Variants in GNB4 observed in about 807,000 individuals in gnomAD.
The protein encoded by GNB4 is G protein subunit beta 4.
A neutral mutation model predicts 45.2 loss-of-function variants in GNB4; 28 were observed. That is an observed-to-expected ratio of 0.62 (90% CI 0.46 to 0.85). The LOEUF (loss-of-function observed/expected upper bound fraction) is 0.85, where lower values mean the gene tolerates loss of function less well. Ranked by LOEUF, GNB4 falls within the 40% of genes least tolerant of loss-of-function variation. GNB4 has a pLI of 0.00. For synonymous variants in GNB4, 132 were observed against 143.7 expected, an observed-to-expected ratio of 0.92 and a Z score of 0.58; for missense variants, 321 against 425.4, an observed-to-expected ratio of 0.75 and a Z score of 2.16.
chr3:179,464,544 C>T, the GNB4 span: 26 of 1,581,192 alleles, frequency 1.6e-5, no homozygotes, highest in African/African-American at 2.2e-4. Flanking sequence ...AGGCGACAAA[C>T]GGCCACACCT....
chr3:179,526,301 C>T, the GNB4 span, among the ~76,000 whole-genome samples: 1 of 152,232 alleles, frequency 6.6e-6, no homozygotes, highest in East Asian at 1.9e-4. Context: ...TATATATGTG[C>T]AGGTCACAGG....
At chr3:179,493,925 A>G in the GNB4 span, among the ~76,000 whole-genome samples, 1 of 152,234 alleles carries the variant, frequency 6.6e-6, no homozygotes. Flanking sequence ...TCTTTTCCCT[A>G]CAAGAGGTCC....
the GNB4 span, among the ~76,000 whole-genome samples, chr3:179,474,298 A>G: frequency 6.6e-6 from 1 of 152,040 alleles, no homozygotes; most frequent in African/African-American, 2.4e-5. Context: ...GTCTCAGCTC[A>G]CTGCAACCTC....
intron 1 of GNB4, among the ~76,000 whole-genome samples, chr3:179,441,321 C>T (rs1715588322): frequency 6.6e-6 from 1 of 152,218 alleles, no homozygotes. Context: ...GGCTCTATAG[C>T]ATATAGCCTA....
chr3:179,414,594 G>A (rs1240949032), intron 6 of GNB4, among the ~76,000 whole-genome samples: 3 of 152,110 alleles, frequency 2.0e-5, no homozygotes, highest in Non-Finnish European at 2.9e-5. Context: ...TTGTTATATG[G>A]CAGCAGAAAA....
chr3:179,489,790 AT>A, the GNB4 span, among the ~76,000 whole-genome samples: 8 of 152,250 alleles, frequency 5.3e-5, no homozygotes, highest in Non-Finnish European at 1.2e-4. Context: ...ATATGATTTA[AT>A]TCTCTCAGAG....
the GNB4 span, among the ~76,000 whole-genome samples, chr3:179,481,560 G>T: frequency 6.6e-6 from 1 of 151,868 alleles, no homozygotes; most frequent in Non-Finnish European, 1.5e-5. Flanking sequence ...GGTGGGTCTT[G>T]AATTCCTAAG....
chr3:179,493,028 C>T, the GNB4 span, among the ~76,000 whole-genome samples: 1 of 152,288 alleles, frequency 6.6e-6, no homozygotes, highest in East Asian at 1.9e-4. Context: ...ATGATAGCTG[C>T]CACACCTCAT....
chr3:179,470,691 C>T, the GNB4 span, among the ~76,000 whole-genome samples: 149 of 151,802 alleles, frequency 9.8e-4, 1 homozygote, highest in African/African-American at 3.4e-3. Flanking sequence ...ACTACAGGCA[C>T]GTGCCACCGC....
chr3:179,503,145 A>T, the GNB4 span, among the ~76,000 whole-genome samples: 480 of 152,392 alleles, frequency 3.1e-3, 2 homozygotes, highest in African/African-American at 0.011. Context: ...CAAATGGTGC[A>T]TTTAAGATTT....
At chr3:179,487,968 T>G in the GNB4 span, among the ~76,000 whole-genome samples, 2 of 151,940 alleles carry the variant, frequency 1.3e-5, no homozygotes, top group Non-Finnish European at 2.9e-5. Flanking sequence ...GGAGAATGGC[T>G]TGAACTCAGG....
chr3:179,508,209 A>G, the GNB4 span, among the ~76,000 whole-genome samples: 9 of 152,332 alleles, frequency 5.9e-5, no homozygotes, highest in South Asian at 1.7e-3. Context: ...CTGGTCTCGA[A>G]CTGCTGGCCT....
the GNB4 span, among the ~76,000 whole-genome samples, chr3:179,526,850 A>G: frequency 6.6e-6 from 1 of 152,220 alleles, no homozygotes; most frequent in African/African-American, 2.4e-5. Flanking sequence ...CTCAATAAAC[A>G]GTTCTGAGCT....
the GNB4 span, among the ~76,000 whole-genome samples, chr3:179,498,115 A>G: frequency 6.6e-6 from 1 of 152,242 alleles, no homozygotes; most frequent in African/African-American, 2.4e-5. Context: ...AGCTTTATTC[A>G]CAATGGCTAA....
Position 179,396,982 on chromosome 3 carries a change from A to T in GNB4, c.*4231T>A, listed in dbSNP as rs1382639122. 2 of 152,194 alleles carry T rather than the reference A, an allele frequency of 1.3e-5. No individual in the cohort carries two copies. Among genetic ancestry groups the T allele is most frequent in the Non-Finnish European group, 2.9e-5 (2 of 68,030 alleles). The allele number at this position is 152,194 out of a possible 1,614,324, so 9.4% of individuals were successfully genotyped here. The stretch of plus-strand genomic sequence containing the variant: ...AAGAAAGATGGTCCAACCTGTGGGT[A>T]TTTTTAAAAATTCTAACAGGAGAAA... On this transcript the variant is annotated 3_prime_UTR_variant, in exon 10 of 10. Coordinates refer to ENST00000232564, the MANE Select transcript of GNB4 (RefSeq NM_021629.4).
chr3:179,470,765 G>C, the GNB4 span, among the ~76,000 whole-genome samples: 3 of 151,966 alleles, frequency 2.0e-5, no homozygotes, highest in South Asian at 6.2e-4. Flanking sequence ...GGATGGTCTC[G>C]ATCACCGTGC....
At position 179,397,017 on chromosome 3, in the gene GNB4, A is replaced by T. The variant is rs1714139175; in HGVS notation, c.*4196T>A. 1 of 152,188 alleles carries T rather than the reference A, an allele frequency of 6.6e-6. No individual in the cohort carries two copies. The highest frequency in any genetic ancestry group is 2.1e-4 in the South Asian group (1 of 4,838). 9.4% of individuals were successfully genotyped at this position (152,188 alleles called of 1,614,324 possible). A position where few individuals can be genotyped will look rare whatever the true frequency, so the allele number is the denominator to read the frequency against. ...ATTCTAACAGGAGAAATCATTTAAA[A>T]TTTTGCTTTTTCACAATGGCAAAAA... On this transcript the variant is annotated 3_prime_UTR_variant, in exon 10 of 10. Coordinates refer to ENST00000232564, the MANE Select transcript of GNB4 (RefSeq NM_021629.4).
the GNB4 span, among the ~76,000 whole-genome samples, chr3:179,506,103 G>A: frequency 2.0e-5 from 3 of 152,338 alleles, no homozygotes; most frequent in South Asian, 6.2e-4. Context: ...AGCACTTTGG[G>A]AGGCCGAGGC....
intron 4 of GNB4, among the ~76,000 whole-genome samples, chr3:179,416,975 A>G (rs559619036): frequency 6.6e-6 from 1 of 152,326 alleles, no homozygotes; most frequent in South Asian, 2.1e-4. Flanking sequence ...CTAGAGGTAC[A>G]ACGCAGGATA....
Sources: gnomAD v4.1 joint callset for allele counts (sites outside exome capture counted in the v4.1 genomes callset) on GRCh38, gnomAD v4.1.1 for gene constraint, MANE v1.5 for transcripts, NCBI Gene and HGNC (gene_info 2026-07-23, HGNC 2026-07-21) for gene names.